The following LENG9 variants were observed in gnomAD, a reference collection of about 807,000 sequenced individuals.
LENG9 encodes leukocyte receptor cluster member 9.
For missense variants in LENG9, 872 were observed against 652.7 expected (o/e 1.34, Z -3.66); for synonymous variants, 410 against 303.9 (o/e 1.35, Z -3.63).
chr19:54,463,484 C>T lies in LENG9; in HGVS notation c.43G>A (p.Ala15Thr), dbSNP rs1353893123. Residue 15 changes from alanine to threonine, a missense_variant, in exon 1 of 1, where the codon GCC becomes ACC. Coordinates refer to ENST00000611161, the MANE Select transcript of LENG9 (RefSeq NM_001301782.2). Reference sequence around the variant, plus strand: ...GCCGGCGGGGGCGCGGGTTCCGTGGCGGGGGCTTCCTGCGGCAACTCCGGC... The same window carrying T: ...GCCGGCGGGGGCGCGGGTTCCGTGGTGGGGGCTTCCTGCGGCAACTCCGGC... ...REPELPQEAP[A>T]TEPAPPPACR... is the part of the protein sequence containing the mutation. 1 of 1,304,400 alleles carries T rather than the reference C, an allele frequency of 7.7e-7. No homozygotes were observed. Among genetic ancestry groups the T allele is most frequent in the South Asian group, 2.2e-5 (1 of 45,442 alleles). The allele number at this position is 1,304,400 out of a possible 1,614,324, so 80.8% of individuals were successfully genotyped here.
In LENG9 at chr19:54,463,424, C is replaced by T. The variant is rs555067203; in HGVS notation, c.103G>A (p.Gly35Ser). The T allele has an allele frequency of 7.5e-4, 930 of 1,242,298 alleles. 3 individuals are homozygous for T. The African/African-American group carries it at 0.012, about 16-fold the overall frequency. The allele number at this position is 1,242,298 out of a possible 1,614,324, so 77.0% of individuals were successfully genotyped here. A position where few individuals can be genotyped will look rare whatever the true frequency, so the allele number is the denominator to read the frequency against. The change falls in exon 1 of 1, where the codon GGC becomes AGC. Residue 35 changes from glycine (G) to serine (S), a missense_variant. Coordinates refer to ENST00000611161, the MANE Select transcript of LENG9 (RefSeq NM_001301782.2). ...RFFLEGRCRF[G>S]ARCRQPHPGA... ...GGGTGGGGCTGGCGGCAGCGGGCGC[C>T]GAAGCGGCAGCGGCCTTCCAGGAAG...
At position 54,462,493 on chromosome 19, in the gene LENG9, A is replaced by G. The variant is rs1278292820; in HGVS notation, c.1034T>C (p.Leu345Pro). Residue 345 changes from leucine to proline, a missense_variant, in exon 1 of 1, where the codon CTG becomes CCG. Coordinates refer to ENST00000611161, the MANE Select transcript of LENG9 (RefSeq NM_001301782.2). ...CTCCTCCCCAGCGCCTGCCAGTCGC[A>G]GCAGGGCCAGGGTCAGGTGTAGGTT... Reference protein sequence around the residue: ...SQNLHLTLALLRLAGAGEEAA... With the variant: ...SQNLHLTLALPRLAGAGEEAA... The G allele has an allele frequency of 6.2e-7, 1 of 1,613,482 alleles. No individual in the cohort carries two copies. Among genetic ancestry groups the G allele is most frequent in the Admixed American group, 1.7e-5 (1 of 60,026 alleles).
rs1411168743 is a variant in LENG9 at position 54,463,220 on chromosome 19, C to G, written c.307G>C (p.Ala103Pro). The part of the protein sequence containing the change: ...FLGVREEPFS[A>P]FCWDQPLAAL... ...GCCAGCGGCTGGTCCCAGCAAAAGG[C>G]GCTGAAGGGCTCCTCGCGCACACCC... Residue 103 changes from alanine to proline, a missense_variant, in exon 1 of 1, where the codon GCC (alanine) becomes CCC (proline). Ala to Pro is a conservative substitution (Grantham distance 27). Transcript: ENST00000611161. 1 of 1,549,884 alleles carries G rather than the reference C, an allele frequency of 6.5e-7. No homozygotes were observed. The highest frequency in any genetic ancestry group is 1.4e-5 in the African/African-American group (1 of 73,500).
rs764739045 is a variant in LENG9, at chr19:54,463,177, A to C, written c.350T>G (p.Val117Gly). Residue 117 changes from valine (V) to glycine (G), a missense_variant, in exon 1 of 1, where the codon GTG becomes GGG. Transcript: ENST00000611161. ...DQPLAALGPG[V>G]LAVPQHRVRF... ...CACGCGGTGCTGGGGCACTGCCAGC[A>C]CGCCCGGCCCGAGCGCCGCCAGCGG... is the stretch of plus-strand genomic sequence containing the variant. 5.1e-5 allele frequency: 80 copies of C among 1,578,384 alleles called. No homozygotes were observed. The highest frequency in any genetic ancestry group is 6.2e-5 in the Non-Finnish European group (73 of 1,168,682).
chr19:54,462,303 T>G lies in LENG9; in HGVS notation c.1224A>C (p.Glu408Asp), dbSNP rs144970469. ...SMAQVLSQRL[E>D]AEGLSTLQSP... ...ACTGTAGTGTACTCAGCCCCTCGGC[T>G]TCCAGCCTCTGGCTCAGCACTTGTG... The change falls in exon 1 of 1, where the codon GAA becomes GAC. Residue 408 changes from glutamate (E) to aspartate (D), a missense_variant. Physicochemically the swap from Glu to Asp is conservative, Grantham distance 45. Transcript: ENST00000611161. 34 of 1,602,534 alleles carry G rather than the reference T, an allele frequency of 2.1e-5. No homozygotes were observed. The African/African-American group carries it at 3.6e-4, about 17-fold the overall frequency.
Position 54,463,632 on chromosome 19 carries a change from C to A in LENG9, c.-106G>T, listed in dbSNP as rs1258553482. ...TCACCCGACAGTGGCGTCAGCGGCCCGCGCTCCGGCCTAGCTCTGGGGACC... is the reference window on the plus strand; with the variant it reads ...TCACCCGACAGTGGCGTCAGCGGCCAGCGCTCCGGCCTAGCTCTGGGGACC... On this transcript the variant is annotated 5_prime_UTR_variant, in exon 1 of 1. Transcript: ENST00000611161. 4 of 1,256,244 alleles carry A rather than the reference C, an allele frequency of 3.2e-6. No homozygotes were observed. Among genetic ancestry groups the A allele is most frequent in the South Asian group, 2.4e-5 (1 of 41,316 alleles). 77.8% of individuals were successfully genotyped at this position (1,256,244 alleles called of 1,614,324 possible). A position where few individuals can be genotyped will look rare whatever the true frequency, so the allele number is the denominator to read the frequency against.
In LENG9 at chr19:54,462,991, C is replaced by T. The variant is rs1418946961; in HGVS notation, c.536G>A (p.Gly179Glu). ...GAEGAEWTLAGTGQEAQAAPK... is the reference protein window; with the variant it reads ...GAEGAEWTLAETGQEAQAAPK... Reference sequence around the variant, plus strand: ...GGCAGCCTGGGCCTCCTGACCTGTCCCCGCCAGTGTCCACTCGGCACCCTC... The same window carrying T: ...GGCAGCCTGGGCCTCCTGACCTGTCTCCGCCAGTGTCCACTCGGCACCCTC... Residue 179 changes from glycine (G) to glutamate (E), a missense_variant, in exon 1 of 1, where the codon GGG (glycine) becomes GAG (glutamate). Transcript: ENST00000611161. 1 of 1,606,458 alleles carries T rather than the reference C, an allele frequency of 6.2e-7. No homozygotes were observed. The highest frequency in any genetic ancestry group is 8.5e-7 in the Non-Finnish European group (1 of 1,179,694).
chr19:54,461,997 T>C lies in LENG9; in HGVS notation c.*93A>G. The C allele has an allele frequency of 7.1e-7, 1 of 1,416,472 alleles. No homozygotes were observed. The highest frequency in any genetic ancestry group is 9.7e-7 in the Non-Finnish European group (1 of 1,030,740). 87.7% of individuals were successfully genotyped at this position (1,416,472 alleles called of 1,614,324 possible). The stretch of plus-strand genomic sequence containing the variant: ...TTTGGAAGCTTGAGAGAAACCAAAA[T>C]TAAAGAGAGAAAGAGAGAGCGTGCA... On this transcript the variant is annotated 3_prime_UTR_variant, in exon 1 of 1. Coordinates refer to ENST00000611161, the MANE Select transcript of LENG9 (RefSeq NM_001301782.2).
Position 54,462,548 on chromosome 19 carries a change from G to A in LENG9, c.979C>T (p.His327Tyr). Residue 327 changes from histidine to tyrosine, a missense_variant, in exon 1 of 1, where the codon CAC (histidine) becomes TAC (tyrosine). Transcript: ENST00000611161. The part of the protein sequence containing the change: ...AQEYLVHVAP[H>Y]CANFLVPSQN... Reference sequence around the variant, plus strand: ...GAGGGCACTAGGAAGTTGGCGCAGTGTGGGGCCACGTGGACCAGGTATTCC... The same window carrying A: ...GAGGGCACTAGGAAGTTGGCGCAGTATGGGGCCACGTGGACCAGGTATTCC... The A allele has an allele frequency of 6.2e-7, 1 of 1,613,722 alleles. No homozygotes were observed. Among genetic ancestry groups the A allele is most frequent in the Non-Finnish European group, 8.5e-7 (1 of 1,180,030 alleles).
Position 54,461,758 on chromosome 19 carries a change from GTTTA to G in LENG9, c.*328_*331del, listed in dbSNP as rs1413771643. ...TGCCTTCTCTTTTCTTTGTGTGTGT[GTTTA>G]TTTAAGTTATTTTTCTTCCTCCTCT... On this transcript the variant is annotated 3_prime_UTR_variant, in exon 1 of 1. Coordinates refer to ENST00000611161, the MANE Select transcript of LENG9 (RefSeq NM_001301782.2). 25 of 554,394 alleles carry G rather than the reference GTTTA, an allele frequency of 4.5e-5. No homozygotes were observed. The highest frequency in any genetic ancestry group is 9.4e-5 in the African/African-American group (5 of 53,324). 34.3% of individuals were successfully genotyped at this position (554,394 alleles called of 1,614,324 possible).
rs934262317 is a variant in LENG9, at chr19:54,463,472, C to G, written c.55G>C (p.Ala19Pro). 4 of 1,294,576 alleles carry G rather than the reference C, an allele frequency of 3.1e-6. No homozygotes were observed. Among genetic ancestry groups the G allele is most frequent in the Non-Finnish European group, 3.9e-6 (4 of 1,020,938 alleles). The allele number at this position is 1,294,576 out of a possible 1,614,324, so 80.2% of individuals were successfully genotyped here. The change falls in exon 1 of 1, where the codon GCG becomes CCG. Residue 19 changes from alanine to proline, a missense_variant. Transcript: ENST00000611161. Reference sequence around the variant, plus strand: ...AAGAAGCGGCAGGCCGGCGGGGGCGCGGGTTCCGTGGCGGGGGCTTCCTGC... The same window carrying G: ...AAGAAGCGGCAGGCCGGCGGGGGCGGGGGTTCCGTGGCGGGGGCTTCCTGC... ...LPQEAPATEP[A>P]PPPACRFFLE...
chr19:54,463,122 C>T lies in LENG9; in HGVS notation c.405G>A (p.Val135=), dbSNP rs758423414. 1.3e-6 allele frequency: 2 copies of T among 1,599,448 alleles called. No homozygotes were observed. Among genetic ancestry groups the T allele is most frequent in the Non-Finnish European group, 1.7e-6 (2 of 1,178,132 alleles). ...VRFFRFRGRL[V]WDRASRTDLV... ...GGTCGGTGCGCGAGGCGCGGTCCCACACAAGGCGGCCACGGAAGCGGAAGA... is the reference window on the plus strand; with the variant it reads ...GGTCGGTGCGCGAGGCGCGGTCCCATACAAGGCGGCCACGGAAGCGGAAGA... The change falls in exon 1 of 1, where the codon GTG becomes GTA. Residue 135 remains valine, a synonymous_variant. Coordinates refer to ENST00000611161, the MANE Select transcript of LENG9 (RefSeq NM_001301782.2).
At position 54,463,302 on chromosome 19, in the gene LENG9, G is replaced by T; in HGVS notation, c.225C>A (p.Arg75=). The T allele has an allele frequency of 6.5e-7, 1 of 1,532,010 alleles. No individual in the cohort carries two copies. Among genetic ancestry groups the T allele is most frequent in the Non-Finnish European group, 8.7e-7 (1 of 1,145,070 alleles). 94.9% of individuals were successfully genotyped at this position (1,532,010 alleles called of 1,614,324 possible). ...CGGCGGGGTCGAGGCGCGGGTCCCA[G>T]CGGATGCGCTGGATGACGTCCGCGG... The part of the protein sequence containing the change: ...RTAADVIQRI[R]WDPRLDPADF... Residue 75 remains arginine (R), a synonymous_variant, in exon 1 of 1, where the codon CGC becomes CGA. Transcript: ENST00000611161.
In LENG9 at chr19:54,462,119, G is replaced by A. The variant is rs1307602402; in HGVS notation, c.1408C>T (p.Gln470Ter). Residue 470 changes from glutamine (Q) to a stop codon, truncating the protein, a stop_gained, in exon 1 of 1, where the codon CAG becomes TAG. Transcript: ENST00000611161. LOFTEE classifies it high-confidence loss of function. ...TCCAGGGGGATCTCAGCCAGGGGCT[G>A]GAAAGGCCCCCCTGTCCTCCCTATA... ...CRIGRTGGPFQPLAEIPLE is the reference protein window; with the variant it reads ...CRIGRTGGPF 6.3e-7 allele frequency: 1 copy of A among 1,575,654 alleles called. No individual in the cohort carries two copies. The highest frequency in any genetic ancestry group is 1.4e-5 in the African/African-American group (1 of 73,898).
In LENG9 at chr19:54,463,173, C is replaced by T; in HGVS notation, c.354G>A (p.Leu118=). The T allele has an allele frequency of 5.1e-6, 8 of 1,581,920 alleles. No individual in the cohort carries two copies. The highest frequency in any genetic ancestry group is 6.8e-6 in the Non-Finnish European group (8 of 1,170,304). The change falls in exon 1 of 1, where the codon CTG becomes CTA. Residue 118 remains leucine, a synonymous_variant. Coordinates refer to ENST00000611161, the MANE Select transcript of LENG9 (RefSeq NM_001301782.2). The part of the protein sequence containing the change: ...QPLAALGPGV[L]AVPQHRVRFF... The stretch of plus-strand genomic sequence containing the variant: ...AGCGCACGCGGTGCTGGGGCACTGC[C>T]AGCACGCCCGGCCCGAGCGCCGCCA...
rs566451479 is a variant in LENG9, at chr19:54,462,902, C to G, written c.625G>C (p.Gly209Arg). The change falls in exon 1 of 1, where the codon GGA (glycine) becomes CGA (arginine). Residue 209 changes from glycine to arginine, a missense_variant. Transcript: ENST00000611161. ...CTCTCCTGGGCCGCCTCCAGCTCTC[C>G]GGGTTCCTCCACGCCTGGTTCCTGG... ...GHQEPGVEEP[G>R]ELEAAQERAL... The G allele has an allele frequency of 6.2e-7, 1 of 1,612,516 alleles. No homozygotes were observed. Among genetic ancestry groups the G allele is most frequent in the Admixed American group, 1.7e-5 (1 of 60,000 alleles).
In LENG9 at chr19:54,462,811, TCA is replaced by T; in HGVS notation, c.714_715del (p.Glu239GlyfsTer29). 1 of 1,611,586 alleles carries T rather than the reference TCA, an allele frequency of 6.2e-7. No individual in the cohort carries two copies. Among genetic ancestry groups the T allele is most frequent in the Non-Finnish European group, 8.5e-7 (1 of 1,179,662 alleles). On this transcript the variant is annotated frameshift_variant, in exon 1 of 1. Transcript: ENST00000611161. LOFTEE classifies it low-confidence loss of function (END_TRUNC). ...GGTGGCTGCTGTTGGCTTCAGTGCC[TCA>T]GTCACTCCGGCGAGGCGTCCTCTTG...
In LENG9 at chr19:54,463,209, C is replaced by T. The variant is rs772393649; in HGVS notation, c.318G>A (p.Trp106Ter). ...VREEPFSAFC[W>*]DQPLAALGPG... Reference sequence around the variant, plus strand: ...GCCCGAGCGCCGCCAGCGGCTGGTCCCAGCAAAAGGCGCTGAAGGGCTCCT... The same window carrying T: ...GCCCGAGCGCCGCCAGCGGCTGGTCTCAGCAAAAGGCGCTGAAGGGCTCCT... The change falls in exon 1 of 1, where the codon TGG (tryptophan) becomes TGA (stop). Residue 106 changes from tryptophan to a stop codon, truncating the protein, a stop_gained. Transcript: ENST00000611161. LOFTEE classifies it low-confidence loss of function (END_TRUNC). 7 of 1,556,332 alleles carry T rather than the reference C, an allele frequency of 4.5e-6. No individual in the cohort carries two copies.
rs1341863377 is a variant in LENG9, at chr19:54,461,827, A to G, written c.*263T>C. The G allele has an allele frequency of 1.9e-6, 1 of 515,474 alleles. No homozygotes were observed. The highest frequency in any genetic ancestry group is 3.8e-6 in the Non-Finnish European group (1 of 263,260). 31.9% of individuals were successfully genotyped at this position (515,474 alleles called of 1,614,324 possible). On this transcript the variant is annotated 3_prime_UTR_variant, in exon 1 of 1. Transcript: ENST00000611161. ...GCCCTCCCTCCCTCCCTCTTCTGCC[A>G]TGTAACTGGAGGATGTGCTATGAGT...
Sources: allele counts gnomAD v4.1 joint callset, GRCh38; gene constraint gnomAD v4.1.1; transcripts MANE v1.5; gene names NCBI Gene and HGNC (gene_info 2026-07-23, HGNC 2026-07-21).